The following ELMO1 variants were observed in gnomAD, a reference collection of about 807,000 sequenced individuals.
ELMO1 encodes engulfment and cell motility 1.
Under a neutral mutation model 98.9 loss-of-function variants are expected in ELMO1, and 26 were observed. The observed-to-expected ratio is 0.26, with a 90% CI of 0.19 to 0.36. The LOEUF is 0.36. ELMO1 is among the 10% of genes least tolerant of loss of function. The pLI, the probability that ELMO1 is intolerant of heterozygous loss-of-function variation, is 1.00. For missense variants in ELMO1, 627 were observed against 935.2 expected (o/e 0.67, Z 4.30); for synonymous variants, 346 against 346.0 (o/e 1.00, Z 0.00).
At chr7:37,091,812 G>A (rs1784108300) in intron 15 of ELMO1, among the ~76,000 whole-genome samples, 1 of 152,198 alleles carries the variant, frequency 6.6e-6, no homozygotes, top group Non-Finnish European at 1.5e-5. Flanking sequence ...AGTCTTACAT[G>A]GCGGCAGGCA....
In ELMO1 at chr7:37,098,400, T is replaced by C. The variant is rs373720897; in HGVS notation, c.1192-1673A>G. 8.5e-5 allele frequency among the ~76,000 whole-genome samples: 13 copies of C among 152,258 alleles called. No individual in the cohort carries two copies. The East Asian group carries it at 2.5e-3, about 29-fold the overall frequency. On this transcript the variant is annotated intron_variant, in intron 14 of 21. Coordinates refer to ENST00000310758, the MANE Select transcript of ELMO1 (RefSeq NM_014800.11). ...AAGTGCTATGAAAATAAAAAATAAC[T>C]TGTTGAGTGACAGAGAGTAACAGGG...
intron 13 of ELMO1, among the ~76,000 whole-genome samples, chr7:37,153,508 C>A (rs899943404): frequency 1.3e-5 from 2 of 152,154 alleles, no homozygotes; most frequent in Non-Finnish European, 2.9e-5. Flanking sequence ...TTGGCTGGTC[C>A]CACGCCCACA....
chr7:37,229,777 A>T (rs1014975954), intron 8 of ELMO1, among the ~76,000 whole-genome samples: 1 of 152,260 alleles, frequency 6.6e-6, no homozygotes, highest in African/African-American at 2.4e-5. Context: ...CTAAGTAGCA[A>T]TGCAAAGAAA....
intron 16 of ELMO1, among the ~76,000 whole-genome samples, chr7:36,953,358 G>T (rs1353241407): frequency 6.6e-6 from 1 of 152,166 alleles, no homozygotes; most frequent in East Asian, 1.9e-4. Context: ...TTTTAGGTCT[G>T]CAGCTGAAGT....
intron 4 of ELMO1, among the ~76,000 whole-genome samples, chr7:37,309,301 G>A (rs967829400): frequency 1.3e-5 from 2 of 152,082 alleles, no homozygotes; most frequent in Non-Finnish European, 2.9e-5. Flanking sequence ...TCACTACCAC[G>A]AGAACAGTAC....
chr7:36,896,840 T>C (rs1806042734), intron 16 of ELMO1, among the ~76,000 whole-genome samples: 1 of 152,228 alleles, frequency 6.6e-6, no homozygotes, highest in Non-Finnish European at 1.5e-5. Flanking sequence ...GGGGTGCTGC[T>C]TTGCCCACTT....
At position 37,342,222 on chromosome 7, in the gene ELMO1, A is replaced by T. The variant is rs907307940; in HGVS notation, c.78+391T>A. ...CAATGCATTTGGCTGCTTCTGCAAAAAATGAAAAAAAAGGGATTTTAAAAA... is the reference window on the plus strand; with the variant it reads ...CAATGCATTTGGCTGCTTCTGCAAATAATGAAAAAAAAGGGATTTTAAAAA... On this transcript the variant is annotated intron_variant, in intron 2 of 21. Transcript: ENST00000310758. This position sits in a 1 kb window ranked among gnomAD's most constrained non-coding sequence, Gnocchi z 4.3. Among the ~76,000 whole-genome samples the T allele has an allele frequency of 3.9e-5, 6 of 152,228 alleles. No homozygotes were observed. The highest frequency in any genetic ancestry group is 1.4e-4 in the African/African-American group (6 of 41,464).
At chr7:37,280,900 A>C (rs1336686610) in intron 4 of ELMO1, among the ~76,000 whole-genome samples, 3 of 152,000 alleles carry the variant, frequency 2.0e-5, no homozygotes, top group African/African-American at 7.2e-5. Context: ...ATACTTGCAC[A>C]TGCACGTTTA....
chr7:37,301,795 G>C (rs1798364181), intron 4 of ELMO1, among the ~76,000 whole-genome samples: 1 of 151,936 alleles, frequency 6.6e-6, no homozygotes, highest in Non-Finnish European at 1.5e-5. Context: ...TAAATTTCTT[G>C]GTTTACACGA....
At chr7:37,044,558 ACT>A (rs940385565) in intron 15 of ELMO1, among the ~76,000 whole-genome samples, 5 of 151,644 alleles carry the variant, frequency 3.3e-5, no homozygotes, top group Admixed American at 6.6e-5. Flanking sequence ...TGTGGACGGC[ACT>A]CTCTCTCAGC....
intron 2 of ELMO1, 40 bp from the exon 3 acceptor site, chr7:37,316,000 TTCA>T (rs1226358990): frequency 5.6e-6 from 8 of 1,425,022 alleles, no homozygotes; most frequent in African/African-American, 4.3e-5. Context: ...TTAGTTTCGT[TTCA>T]TCATTTTAAA....
At chr7:37,320,136 G>A (rs1459846261) in intron 2 of ELMO1, among the ~76,000 whole-genome samples, 1 of 152,094 alleles carries the variant, frequency 6.6e-6, no homozygotes, top group Non-Finnish European at 1.5e-5. Context: ...AATTAGCTGG[G>A]CGTGGTGGCC....
chr7:37,353,161 C>A (rs549275778), intron 1 of ELMO1: 1 of 152,228 alleles, frequency 6.6e-6, no homozygotes, highest in Non-Finnish European at 1.5e-5. Flanking sequence ...TTGAGACCAA[C>A]GTTTGCTATC....
At chr7:36,952,094 G>A (rs1248535930) in intron 16 of ELMO1, among the ~76,000 whole-genome samples, 2 of 152,218 alleles carry the variant, frequency 1.3e-5, no homozygotes, top group African/African-American at 2.4e-5. Context: ...CATGACTGAT[G>A]AACAGGTGCA....
intron 14 of ELMO1, among the ~76,000 whole-genome samples, chr7:37,101,652 C>T (rs2129265523): frequency 6.6e-6 from 1 of 152,218 alleles, no homozygotes; most frequent in South Asian, 2.1e-4. Flanking sequence ...CCACCGAGCA[C>T]ATTCCCAGGA....
At position 36,870,370 on chromosome 7, in the gene ELMO1, T is replaced by C; in HGVS notation, c.1905+23A>G. 3 of 1,613,170 alleles carry C rather than the reference T, an allele frequency of 1.9e-6. No individual in the cohort carries two copies. Among genetic ancestry groups the C allele is most frequent in the Non-Finnish European group, 1.7e-6 (2 of 1,179,256 alleles). On this transcript the variant is annotated intron_variant, in intron 20 of 21. Transcript: ENST00000310758. The surrounding 1 kb of genome is among the most constrained non-coding windows in gnomAD (Gnocchi z 4.4). ...GACCGCACTGGGCAAATAGAGCTAT[T>C]TGCAATAATTTGGAAATCATACCTT...
chr7:37,421,650 G>T (rs1054471915), intron 1 of ELMO1, among the ~76,000 whole-genome samples: 1 of 152,086 alleles, frequency 6.6e-6, no homozygotes, highest in Non-Finnish European at 1.5e-5. Flanking sequence ...TTCATTCCTG[G>T]GTTCTTAGGG....
intron 1 of ELMO1, among the ~76,000 whole-genome samples, chr7:37,362,217 G>GAT (rs34013669): frequency 0.1 from 9,339 of 89,802 alleles, 374 homozygotes; most frequent in South Asian, 0.15. Flanking sequence ...AAATGTATAT[G>GAT]ATATATATAT....
At chr7:36,902,097 G>T (rs1042125401) in intron 16 of ELMO1, among the ~76,000 whole-genome samples, 1 of 152,166 alleles carries the variant, frequency 6.6e-6, no homozygotes, top group Non-Finnish European at 1.5e-5. Flanking sequence ...AGGGTCCTGT[G>T]GGGTCAGCCT....
Sources: allele counts gnomAD v4.1 joint callset (sites outside exome capture counted in the v4.1 genomes callset), GRCh38; gene constraint gnomAD v4.1.1; non-coding constraint Gnocchi (gnomAD v3.1); transcripts MANE v1.5; gene names NCBI Gene and HGNC (gene_info 2026-07-23, HGNC 2026-07-21).